Variants in CCN4 observed in about 807,000 individuals in gnomAD.
CCN4 encodes cellular communication network factor 4, also known as CCN family member 4.
Under a neutral mutation model 36.7 loss-of-function variants are expected in CCN4, and 30 were observed. That is an observed-to-expected ratio of 0.82 (90% CI 0.61 to 1.11). The LOEUF is 1.11. Among genes scored for constraint, CCN4 ranks in the 50% least tolerant of loss-of-function variants. CCN4 has a pLI of 0.00. For missense variants in CCN4, 505 were observed against 504.9 expected, an observed-to-expected ratio of 1.00 and a Z score of 0.00; for synonymous variants, 191 against 195.4, an observed-to-expected ratio of 0.98 and a Z score of 0.19.
At chr8:133,203,811 C>A (rs568514150) in intron 1 of CCN4, among the ~76,000 whole-genome samples, 3 of 152,172 alleles carry the variant, frequency 2.0e-5, no homozygotes, top group Non-Finnish European at 4.4e-5. Context: ...ATATCCTGGG[C>A]AGTCCACCCC....
At chr8:133,225,118 T>C (rs1436353173) in intron 3 of CCN4, among the ~76,000 whole-genome samples, 1 of 152,180 alleles carries the variant, frequency 6.6e-6, no homozygotes, top group Non-Finnish European at 1.5e-5. Flanking sequence ...GAGCAGAATT[T>C]GAACTGGGAT....
chr8:133,219,135 G>A (rs922337471), intron 2 of CCN4, among the ~76,000 whole-genome samples: 3 of 152,158 alleles, frequency 2.0e-5, no homozygotes, highest in African/African-American at 7.2e-5. Context: ...AGCACCATGA[G>A]TGTTCTTGCA....
intron 1 of CCN4, among the ~76,000 whole-genome samples, chr8:133,212,232 C>G (rs1236679136): frequency 1.3e-5 from 2 of 152,122 alleles, no homozygotes; most frequent in Non-Finnish European, 2.9e-5. Context: ...GCAAAGGAAG[C>G]GCCAACTCAC....
chr8:133,220,738 C>A lies in CCN4; in HGVS notation c.507C>A (p.His169Gln), dbSNP rs1440111011. ...GCCCCCCGCGTCTCTGGTGCCCCCA[C>A]CCGCGGCGCGTGAGCATACCTGGCC... Reference protein sequence around the residue: ...RVRPPRLWCPHPRRVSIPGHC... With the variant: ...RVRPPRLWCPQPRRVSIPGHC... Residue 169 changes from histidine (H) to glutamine (Q), a missense_variant, in exon 3 of 5, where the codon CAC becomes CAA. His to Gln is a conservative substitution (Grantham distance 24). Transcript: ENST00000250160. 1.2e-6 allele frequency: 2 copies of A among 1,613,592 alleles called. No individual in the cohort carries two copies. The highest frequency in any genetic ancestry group is 8.5e-7 in the Non-Finnish European group (1 of 1,179,956).
rs549901107 is a variant in CCN4 at position 133,221,607 on chromosome 8, G to A, written c.610+766G>A. 2.6e-5 allele frequency among the ~76,000 whole-genome samples: 4 copies of A among 151,970 alleles called. No homozygotes were observed. The South Asian group carries it at 8.3e-4, about 32-fold the overall frequency. On this transcript the variant is annotated intron_variant, in intron 3 of 4. Coordinates refer to ENST00000250160, the MANE Select transcript of CCN4 (RefSeq NM_003882.4). ...TGGATTAATAGATGGATGGATAAATGGATGTATGAATAGATGGGTGGATTG... is the reference window on the plus strand; with the variant it reads ...TGGATTAATAGATGGATGGATAAATAGATGTATGAATAGATGGGTGGATTG...
chr8:133,226,460 C>T (rs548781488), intron 4 of CCN4, among the ~76,000 whole-genome samples: 1 of 152,292 alleles, frequency 6.6e-6, no homozygotes, highest in East Asian at 1.9e-4. Flanking sequence ...CTTCCTTCTC[C>T]TTCTTCTCTT....
At chr8:133,206,790 A>G (rs60974890) in intron 1 of CCN4, among the ~76,000 whole-genome samples, 2,582 of 152,294 alleles carry the variant, frequency 0.017, 65 homozygotes, top group African/African-American at 0.058. Flanking sequence ...AAGGTCCCAG[A>G]ACTAACTGGG....
intron 1 of CCN4, among the ~76,000 whole-genome samples, chr8:133,193,121 A>G (rs1853176542): frequency 6.6e-6 from 1 of 152,176 alleles, no homozygotes; most frequent in Non-Finnish European, 1.5e-5. Context: ...AACGAGCTGG[A>G]CTCCATTTGG....
chr8:133,200,664 C>A (rs546795990), intron 1 of CCN4, among the ~76,000 whole-genome samples: 2 of 152,272 alleles, frequency 1.3e-5, no homozygotes, highest in South Asian at 4.2e-4. Context: ...TGTGTCTCAA[C>A]CTTTTTGGGT....
At chr8:133,194,525 G>T (rs1238521563) in intron 1 of CCN4, among the ~76,000 whole-genome samples, 2 of 96,686 alleles carry the variant, frequency 2.1e-5, no homozygotes, top group East Asian at 3.6e-4. Context: ...GGTGTGTGTG[G>T]GGGTGTGTGT....
intron 1 of CCN4, among the ~76,000 whole-genome samples, chr8:133,205,740 G>A (rs1853748261): frequency 6.6e-6 from 1 of 152,268 alleles, no homozygotes; most frequent in Non-Finnish European, 1.5e-5. Context: ...GGGGTTTGAG[G>A]ATGAGCCCCA....
intron 1 of CCN4, among the ~76,000 whole-genome samples, chr8:133,210,667 G>A (rs1853986841): frequency 6.6e-6 from 1 of 152,182 alleles, no homozygotes; most frequent in Admixed American, 6.5e-5. Flanking sequence ...TAACAGAGAA[G>A]TCACCCATAT....
intron 2 of CCN4, among the ~76,000 whole-genome samples, chr8:133,219,620 T>G (rs144644707): frequency 1.3e-5 from 2 of 152,348 alleles, no homozygotes; most frequent in East Asian, 3.9e-4. Flanking sequence ...ATCATTCTAT[T>G]TACAGCATTG....
intron 2 of CCN4, 140 bp from the exon 3 acceptor site, chr8:133,220,441 C>A (rs1349067294): frequency 7.8e-7 from 1 of 1,276,160 alleles, no homozygotes. Flanking sequence ...CCTGCCTTTG[C>A]CTTTGTGCCT....
intron 1 of CCN4, among the ~76,000 whole-genome samples, chr8:133,194,421 G>A (rs571402793): frequency 4.0e-5 from 4 of 101,154 alleles, no homozygotes; most frequent in Non-Finnish European, 5.6e-5. Flanking sequence ...TTTGTGTGGT[G>A]TGTGTGTGGT....
intron 3 of CCN4, among the ~76,000 whole-genome samples, chr8:133,221,973 GATGGATGGATGA>G (rs1564266081): frequency 6.6e-6 from 1 of 151,768 alleles, no homozygotes; most frequent in Non-Finnish European, 1.5e-5. Flanking sequence ...CGAGGGGACA[GATGGATGGATGA>G]ATGGATGGAT....
intron 3 of CCN4, among the ~76,000 whole-genome samples, chr8:133,224,874 G>A (rs1252407347): frequency 6.6e-6 from 1 of 151,578 alleles, no homozygotes; most frequent in Non-Finnish European, 1.5e-5. Context: ...GGCGGAGGTT[G>A]CAGTGAGCTG....
chr8:133,212,544 G>A (rs953191744), intron 1 of CCN4, among the ~76,000 whole-genome samples: 4 of 152,004 alleles, frequency 2.6e-5, no homozygotes, highest in African/African-American at 4.8e-5. Flanking sequence ...GTAAAGTGAG[G>A]CCACCTCCCT....
chr8:133,194,418 G>A (rs1478261671), intron 1 of CCN4, among the ~76,000 whole-genome samples: 2 of 113,614 alleles, frequency 1.8e-5, no homozygotes, highest in African/African-American at 3.7e-5. Context: ...GGATTTGTGT[G>A]GTGTGTGTGT....
Sources: allele counts gnomAD v4.1 joint callset (sites outside exome capture counted in the v4.1 genomes callset), GRCh38; gene constraint gnomAD v4.1.1; transcripts MANE v1.5; gene names NCBI Gene and HGNC (gene_info 2026-07-23, HGNC 2026-07-21).